EFHB: variants seen among roughly 807,000 people sequenced by gnomAD.
EFHB encodes the protein EF-hand domain family member B, also known as EF-hand domain-containing family member B.
In EFHB, 91 loss-of-function variants were observed where a neutral mutation model predicts 87.2. The ratio of observed to expected loss-of-function variants is 1.04; its 90% confidence interval spans 0.88 to 1.24. EFHB has a LOEUF of 1.24. Ranked by LOEUF, EFHB falls within the 50% of genes most tolerant of loss-of-function variation. EFHB has a pLI of 0.00. For synonymous variants in EFHB, 325 were observed against 333.6 expected (o/e 0.97, Z 0.28); for missense variants, 1,084 against 998.8 (o/e 1.09, Z -1.15).
chr3:19,888,544 C>T lies in EFHB; in HGVS notation c.1833G>A (p.Val611=). ...LLDQLFDYCD[V]DNDGFINYLE... ...GATAGTTAATGAAGCCATCATTATCCACATCACAGTAGTCAAATAGCTGGT... is the reference window on the plus strand; with the variant it reads ...GATAGTTAATGAAGCCATCATTATCTACATCACAGTAGTCAAATAGCTGGT... Residue 611 remains valine (V), a synonymous_variant, in exon 10 of 13, where the codon GTG becomes GTA. Coordinates refer to ENST00000295824, the MANE Select transcript of EFHB (RefSeq NM_144715.4). 1.3e-6 allele frequency: 2 copies of T among 1,593,170 alleles called. No individual in the cohort carries two copies. Among genetic ancestry groups the T allele is most frequent in the South Asian group, 1.1e-5 (1 of 87,658 alleles).
rs544079771 is a variant in EFHB at position 19,911,635 on chromosome 3, T to C, written c.1288+3668A>G. Among the ~76,000 whole-genome samples, 38 of 152,058 alleles carry C rather than the reference T, an allele frequency of 2.5e-4. 1 individual carries two copies. The highest frequency in any genetic ancestry group is 8.7e-4 in the African/African-American group (36 of 41,478). On this transcript the variant is annotated intron_variant, in intron 5 of 12. Coordinates refer to ENST00000295824, the MANE Select transcript of EFHB (RefSeq NM_144715.4). ...GAAATTCTGGAACTGAAAAATTCAATTGACAAACTGAAAAGTACATCAGTC... is the reference window on the plus strand; with the variant it reads ...GAAATTCTGGAACTGAAAAATTCAACTGACAAACTGAAAAGTACATCAGTC...
At chr3:19,895,802 G>A (rs932531535) in intron 9 of EFHB, among the ~76,000 whole-genome samples, 1 of 152,156 alleles carries the variant, frequency 6.6e-6, no homozygotes, top group African/African-American at 2.4e-5. Flanking sequence ...AGATGCATCT[G>A]ACAAAAATAA....
chr3:19,920,093 G>T, intron 2 of EFHB, 117 bp from the exon 3 acceptor site: 1 of 1,045,026 alleles, frequency 9.6e-7, no homozygotes, highest in Non-Finnish European at 1.4e-6. Flanking sequence ...AATGCATTTG[G>T]AACTACAGCC....
At chr3:19,882,275 C>A (rs2071697879) in intron 12 of EFHB, among the ~76,000 whole-genome samples, 1 of 152,038 alleles carries the variant, frequency 6.6e-6, no homozygotes, top group Non-Finnish European at 1.5e-5. Context: ...CTTTTCTCAA[C>A]TAGAATAGTA....
chr3:19,902,723 G>A (rs10084654), intron 6 of EFHB, among the ~76,000 whole-genome samples: 60,387 of 151,952 alleles, frequency 0.4, 12,218 homozygotes, highest in African/African-American at 0.44. Context: ...ACATTAAATC[G>A]TGCATATAAA....
chr3:19,902,331 A>G (rs183928639), intron 6 of EFHB, among the ~76,000 whole-genome samples: 9 of 152,026 alleles, frequency 5.9e-5, no homozygotes, highest in Admixed American at 5.9e-4. Flanking sequence ...ATATAGATAG[A>G]GATCGTTTTT....
chr3:19,925,316 G>A (rs1695584209), intron 1 of EFHB, among the ~76,000 whole-genome samples: 1 of 151,052 alleles, frequency 6.6e-6, no homozygotes, highest in South Asian at 2.1e-4. Flanking sequence ...CATGTATATT[G>A]ATCCTATAAT....
chr3:19,926,682 A>G (rs1409950463), intron 1 of EFHB, among the ~76,000 whole-genome samples: 1 of 86,030 alleles, frequency 1.2e-5, no homozygotes, highest in Non-Finnish European at 2.6e-5. Context: ...TTTATTTTTG[A>G]GACAGTTTCA....
chr3:19,884,553 G>A lies in EFHB; in HGVS notation c.1996C>T (p.Leu666Phe), dbSNP rs1487154308. The A allele has an allele frequency of 1.9e-6, 3 of 1,613,792 alleles. No homozygotes were observed. The highest frequency in any genetic ancestry group is 2.7e-5 in the African/African-American group (2 of 74,888). ...AAGACAATATCTTCTGGCTTTATGAGGAGAGTTTGTTCAGGTTCTTCAACA... is the reference window on the plus strand; with the variant it reads ...AAGACAATATCTTCTGGCTTTATGAAGAGAGTTTGTTCAGGTTCTTCAACA... ...ANVEEPEQTL[L>F]IKPEDIVLKE... The change falls in exon 11 of 13, where the codon CTC becomes TTC. Residue 666 changes from leucine (L) to phenylalanine (F), a missense_variant. Coordinates refer to ENST00000295824, the MANE Select transcript of EFHB (RefSeq NM_144715.4).
chr3:19,939,702 T>C (rs1369479696), intron 1 of EFHB, among the ~76,000 whole-genome samples: 1 of 148,312 alleles, frequency 6.7e-6, no homozygotes, highest in African/African-American at 2.5e-5. Flanking sequence ...CCCTCTTTCA[T>C]GCTCCCATAG....
At chr3:19,938,870 C>T (rs1696082705), upstream of EFHB, among the ~76,000 whole-genome samples, 1 of 151,952 alleles carries the variant, frequency 6.6e-6, no homozygotes, top group Non-Finnish European at 1.5e-5. Context: ...GCGTGTAGTT[C>T]CACTCGCACA....
intron 1 of EFHB, chr3:19,940,613 A>G (rs1696134524): frequency 2.1e-6 from 1 of 466,968 alleles, no homozygotes; most frequent in Non-Finnish European, 4.3e-6. Context: ...GCTTTGTACT[A>G]TTCAGCCTCC....
chr3:19,888,338 A>G (rs1694179151), intron 10 of EFHB, 106 bp downstream of exon 10: 1 of 551,670 alleles, frequency 1.8e-6, no homozygotes, highest in Non-Finnish European at 2.5e-6. Context: ...GGCAAGTAGG[A>G]CCAGCCTGGG....
At chr3:19,936,115 G>A (rs1696012216), upstream of EFHB, 1 of 1,405,830 alleles carries the variant, frequency 7.1e-7, no homozygotes, top group Non-Finnish European at 9.3e-7. Context: ...TTAAAAGTGT[G>A]TAGGGGTCTG....
Position 19,933,662 on chromosome 3 carries a change from T to C in EFHB, c.357A>G (p.Gly119=). The change falls in exon 1 of 13, where the codon GGA becomes GGG. Residue 119 remains glycine (G), a synonymous_variant. Coordinates refer to ENST00000295824, the MANE Select transcript of EFHB (RefSeq NM_144715.4). The part of the protein sequence containing the change: ...MGLENESLLA[G]YTHERIIQPP... ...GCTGTATTATCCGTTCATGGGTATA[T>C]CCTGCAAGAAGACTCTCATTTTCTA... 1 of 1,614,004 alleles carries C rather than the reference T, an allele frequency of 6.2e-7. No homozygotes were observed. The highest frequency in any genetic ancestry group is 8.5e-7 in the Non-Finnish European group (1 of 1,179,898).
intron 1 of EFHB, among the ~76,000 whole-genome samples, chr3:19,945,491 TGAG>T (rs1407942402): frequency 5.3e-5 from 8 of 152,262 alleles, no homozygotes; most frequent in South Asian, 2.1e-4. Context: ...CAATGGTTTG[TGAG>T]GAGAAGAAAG....
chr3:19,884,330 GC>G, intron 11 of EFHB, 72 bp downstream of exon 11: 1 of 1,379,022 alleles, frequency 7.3e-7, no homozygotes, highest in Non-Finnish European at 1.0e-6. Context: ...ACGGAGAAAG[GC>G]AGGGGACAAT....
At chr3:19,936,745 G>A (rs2125170384), upstream of EFHB, among the ~76,000 whole-genome samples, 1 of 151,982 alleles carries the variant, frequency 6.6e-6, no homozygotes, top group South Asian at 2.1e-4. Flanking sequence ...GCCAGCACTT[G>A]TAATCCCAGC....
intron 1 of EFHB, chr3:19,940,385 T>C (rs1169075651): frequency 2.4e-6 from 1 of 416,754 alleles, no homozygotes; most frequent in South Asian, 1.8e-5. Flanking sequence ...TTGCAGACTC[T>C]CTCCAGCTCT....
Sources: allele counts gnomAD v4.1 joint callset (sites outside exome capture counted in the v4.1 genomes callset), GRCh38; gene constraint gnomAD v4.1.1; transcripts MANE v1.5; gene names NCBI Gene and HGNC (gene_info 2026-07-23, HGNC 2026-07-21).